HECTD4: variants seen among roughly 807,000 people sequenced by gnomAD.
HECTD4 encodes the protein HECT domain E3 ubiquitin protein ligase 4, also known as probable E3 ubiquitin-protein ligase HECTD4.
HECTD4 carries 114 observed loss-of-function variants against 471.5 expected under a neutral mutation model. The observed-to-expected ratio is 0.24, with a 90% CI of 0.21 to 0.28. The LOEUF is 0.28. HECTD4 is among the 10% of genes least tolerant of loss of function. The pLI is 1.00. For missense variants in HECTD4, 3,866 were observed against 5,651.5 expected, an observed-to-expected ratio of 0.68 and a Z score of 10.13; for synonymous variants, 2,012 against 2,256.0, an observed-to-expected ratio of 0.89 and a Z score of 3.07.
chr12:112,226,677 T>G lies in HECTD4; in HGVS notation c.6936A>C (p.Glu2312Asp). 1 of 1,612,934 alleles carries G rather than the reference T, an allele frequency of 6.2e-7. No homozygotes were observed. The highest frequency in any genetic ancestry group is 8.5e-7 in the Non-Finnish European group (1 of 1,179,444). ...EFIQQCPAAVEVLNLVAQECS... is the reference protein window; with the variant it reads ...EFIQQCPAAVDVLNLVAQECS... ...ATTCCTGGGCTACTAGGTTAAGAAC[T>G]TCAACAGCTGCTGGACATTGTTGTA... Residue 2312 changes from glutamate (E) to aspartate (D), a missense_variant, in exon 44 of 76, where the codon GAA becomes GAC. Glu to Asp is a conservative substitution (Grantham distance 45). Around this residue, in one of 16 missense-constraint regions of HECTD4, gnomAD observed 617 missense variants for 915.1 expected, o/e 0.67. Transcript: ENST00000682272.
At chr12:112,362,772 G>C (rs368470654) in intron 1 of HECTD4, among the ~76,000 whole-genome samples, 1 of 151,698 alleles carries the variant, frequency 6.6e-6, no homozygotes, top group East Asian at 1.9e-4. Context: ...GGCAAAATCA[G>C]CTCACTGCAG....
chr12:112,206,124 G>A (rs1031143342), intron 52 of HECTD4, among the ~76,000 whole-genome samples: 4 of 152,170 alleles, frequency 2.6e-5, no homozygotes, highest in East Asian at 1.9e-4. Flanking sequence ...CATTATGGGA[G>A]GAAAGCAAAA....
chr12:112,323,844 T>C (rs1460078845), intron 1 of HECTD4, among the ~76,000 whole-genome samples: 5 of 151,704 alleles, frequency 3.3e-5, no homozygotes, highest in African/African-American at 9.7e-5. Context: ...GGAAAAAAAT[T>C]CCAACCAGAC....
At chr12:112,210,739 T>G (rs2032738210) in intron 49 of HECTD4, among the ~76,000 whole-genome samples, 3 of 152,242 alleles carry the variant, frequency 2.0e-5, no homozygotes, top group African/African-American at 7.2e-5. Flanking sequence ...TACTAGTCTG[T>G]GATTACATAC....
At chr12:112,379,374 G>A (rs1594089652) in intron 1 of HECTD4, among the ~76,000 whole-genome samples, 1 of 152,258 alleles carries the variant, frequency 6.6e-6, no homozygotes, top group East Asian at 1.9e-4. Context: ...CTGACATGTA[G>A]GATACATTTA....
chr12:112,334,346 A>G (rs1037894475), intron 1 of HECTD4, among the ~76,000 whole-genome samples: 1 of 151,666 alleles, frequency 6.6e-6, no homozygotes, highest in South Asian at 2.1e-4. Flanking sequence ...AAAAAAAACA[A>G]TCCCATCAAA....
intron 1 of HECTD4, among the ~76,000 whole-genome samples, chr12:112,356,854 T>C (rs967318310): frequency 2.6e-5 from 4 of 152,212 alleles, no homozygotes; most frequent in Non-Finnish European, 5.9e-5. Flanking sequence ...GCTTCCTGAT[T>C]AAAAAGAATT....
chr12:112,244,310 A>G (rs1566085261), intron 29 of HECTD4, among the ~76,000 whole-genome samples: 2 of 152,222 alleles, frequency 1.3e-5, no homozygotes, highest in Non-Finnish European at 2.9e-5. Context: ...AGCATTCTAA[A>G]AAGCAATGGA....
chr12:112,178,903 G>A (rs1287560912), intron 64 of HECTD4, 28 bp downstream of exon 64: 1 of 1,586,772 alleles, frequency 6.3e-7, no homozygotes, highest in Non-Finnish European at 8.6e-7. Flanking sequence ...CCACAGGCTG[G>A]GCTGCCCAGG....
intron 37 of HECTD4, among the ~76,000 whole-genome samples, chr12:112,233,324 G>A (rs1002399421): frequency 7.3e-5 from 11 of 150,478 alleles, no homozygotes; most frequent in African/African-American, 2.2e-4. Flanking sequence ...CTAGGTTCAG[G>A]TGATTCTCCC....
At chr12:112,337,466 T>C (rs568143553) in intron 1 of HECTD4, among the ~76,000 whole-genome samples, 8 of 152,312 alleles carry the variant, frequency 5.3e-5, no homozygotes, top group South Asian at 2.1e-4. Context: ...AATCTATGTT[T>C]AGCCAAAAAA....
intron 5 of HECTD4, 115 bp from the exon 6 acceptor site, chr12:112,309,006 G>A: frequency 4.8e-6 from 5 of 1,052,114 alleles, no homozygotes; most frequent in Non-Finnish European, 6.7e-6. Flanking sequence ...GAGTAAGTAT[G>A]TAAAACATCT....
In HECTD4 at chr12:112,169,604, G is replaced by A; in HGVS notation, c.12107C>T (p.Ala4036Val). ...SYFCQAARQLASVPSSQLCVK... is the reference protein window; with the variant it reads ...SYFCQAARQLVSVPSSQLCVK... ...GCAGAGCTGAGACGACGGCACTGAG[G>A]CCAGCTGCCTGGCAGCCTGACAGAA... is the stretch of plus-strand genomic sequence containing the variant. The change falls in exon 70 of 76, where the codon GCC (alanine) becomes GTC (valine). Residue 4036 changes from alanine to valine, a missense_variant. Ala to Val is a moderately conservative substitution (Grantham distance 64, BLOSUM62 0). Transcript: ENST00000682272. 6.2e-7 allele frequency: 1 copy of A among 1,613,596 alleles called. No individual in the cohort carries two copies. Among genetic ancestry groups the A allele is most frequent in the Non-Finnish European group, 8.5e-7 (1 of 1,179,870 alleles).
chr12:112,291,243 C>A (rs911997790), intron 7 of HECTD4, among the ~76,000 whole-genome samples: 4 of 152,086 alleles, frequency 2.6e-5, no homozygotes, highest in Non-Finnish European at 4.4e-5. Context: ...ACTCTAGATA[C>A]AAGTTATCAA....
chr12:112,354,216 G>A (rs866487306), intron 1 of HECTD4, among the ~76,000 whole-genome samples: 2 of 151,920 alleles, frequency 1.3e-5, no homozygotes, highest in South Asian at 2.1e-4. Flanking sequence ...ACGTACTACC[G>A]TGACCAGCTA....
Position 112,298,097 on chromosome 12 carries a change from G to A in HECTD4, c.1335+7967C>T, listed in dbSNP as rs2035080509. Among the ~76,000 whole-genome samples the A allele has an allele frequency of 2.6e-5, 4 of 152,130 alleles. No individual in the cohort carries two copies. In the South Asian group the frequency reaches 8.3e-4, roughly 32 times the overall value. Reference sequence around the variant, plus strand: ...TGATGAGGATACATCAAGAGCAATGGGTTCAAGAGAAAATGGAAGGAGAGG... The same window carrying A: ...TGATGAGGATACATCAAGAGCAATGAGTTCAAGAGAAAATGGAAGGAGAGG... On this transcript the variant is annotated intron_variant, in intron 7 of 75. Coordinates refer to ENST00000682272, the MANE Select transcript of HECTD4 (RefSeq NM_001388303.1).
Position 112,319,576 on chromosome 12 carries a change from C to T in HECTD4, c.344G>A (p.Arg115Lys). 1 of 1,432,514 alleles carries T rather than the reference C, an allele frequency of 7.0e-7. No individual in the cohort carries two copies. Among genetic ancestry groups the T allele is most frequent in the Non-Finnish European group, 9.1e-7 (1 of 1,098,376 alleles). 88.7% of individuals were successfully genotyped at this position (1,432,514 alleles called of 1,614,324 possible). The change falls in exon 2 of 76, where the codon AGG becomes AAG. Residue 115 changes from arginine to lysine, a missense_variant. Arg to Lys is a conservative substitution (Grantham distance 26). Transcript: ENST00000682272. The surrounding 1 kb of genome is among the most constrained non-coding windows in gnomAD (Gnocchi z 5.3). Reference protein sequence around the residue: ...RQLALEEQHERESSGDEETLA... With the variant: ...RQLALEEQHEKESSGDEETLA... ...AGTTTCCTCATCACCTGAACTTTCC[C>T]TTTCATGCTGTTCTTCTAAGGCCAG...
At chr12:112,355,082 G>A (rs558416094) in intron 1 of HECTD4, among the ~76,000 whole-genome samples, 34 of 150,892 alleles carry the variant, frequency 2.3e-4, no homozygotes, top group Non-Finnish European at 4.3e-4. Context: ...CCGGGTTCAA[G>A]CCATTCTCCT....
chr12:112,240,910 T>C (rs184294691), intron 32 of HECTD4, among the ~76,000 whole-genome samples: 1 of 152,312 alleles, frequency 6.6e-6, no homozygotes, highest in Admixed American at 6.5e-5. Context: ...TCTATACCAA[T>C]TAATATTAGT....
Sources: gnomAD v4.1 joint callset for allele counts (sites outside exome capture counted in the v4.1 genomes callset) on GRCh38, gnomAD v4.1.1 for gene constraint, gnomAD v4.1.1 regional missense constraint, Gnocchi (gnomAD v3.1) non-coding constraint, MANE v1.5 for transcripts, NCBI Gene and HGNC (gene_info 2026-07-23, HGNC 2026-07-21) for gene names.